Variants in DNM3 observed in about 807,000 individuals in gnomAD.
The protein encoded by DNM3 is dynamin-3.
A neutral mutation model predicts 101.6 loss-of-function variants in DNM3; 47 were observed. The ratio of observed to expected loss-of-function variants is 0.46; its 90% confidence interval spans 0.37 to 0.59. DNM3 has a LOEUF of 0.59. Among genes scored for constraint, DNM3 ranks in the 20% least tolerant of loss-of-function variants. The probability of loss-of-function intolerance (pLI) is 0.00; values close to 1 mark genes in which losing one functional copy is unlikely to be tolerated. For synonymous variants in DNM3, 385 were observed against 387.9 expected, an observed-to-expected ratio of 0.99 and a Z score of 0.09; for missense variants, 849 against 1,085.7, an observed-to-expected ratio of 0.78 and a Z score of 3.06.
intron 13 of DNM3, among the ~76,000 whole-genome samples, chr1:172,114,308 A>G (rs937250765): frequency 1.3e-5 from 2 of 152,226 alleles, no homozygotes; most frequent in African/African-American, 4.8e-5. Flanking sequence ...TGCATGTTGT[A>G]GAAACCAAAA....
chr1:172,352,374 G>A (rs1457577222), intron 17 of DNM3, among the ~76,000 whole-genome samples: 1 of 151,794 alleles, frequency 6.6e-6, no homozygotes, highest in African/African-American at 2.4e-5. Context: ...TTTTATATGA[G>A]TGTTAACTGG....
intron 14 of DNM3, among the ~76,000 whole-genome samples, chr1:172,212,542 A>G (rs1025494018): frequency 6.6e-6 from 1 of 152,118 alleles, no homozygotes; most frequent in African/African-American, 2.4e-5. Flanking sequence ...CAAGCATTAC[A>G]TTTTCTGAGC....
At chr1:172,215,014 A>G (rs1225444265) in intron 14 of DNM3, among the ~76,000 whole-genome samples, 1 of 152,152 alleles carries the variant, frequency 6.6e-6, no homozygotes, top group Non-Finnish European at 1.5e-5. Context: ...GACCAATTTC[A>G]TAAACAATAT....
intron 13 of DNM3, among the ~76,000 whole-genome samples, chr1:172,106,844 A>ATTTTTTTTT (rs1289662689): frequency 5.9e-4 from 30 of 50,990 alleles, no homozygotes; most frequent in South Asian, 7.6e-4. Flanking sequence ...AGGTAACATT[A>ATTTTTTTTT]TTCTTTTTTT....
intron 14 of DNM3, among the ~76,000 whole-genome samples, chr1:172,163,515 G>A (rs2058627906): frequency 6.6e-6 from 1 of 152,060 alleles, no homozygotes; most frequent in Admixed American, 6.6e-5. Context: ...TAGGATTACA[G>A]GCGTGAGCCA....
chr1:172,380,300 A>T (rs1404304266), intron 18 of DNM3, among the ~76,000 whole-genome samples: 1 of 152,108 alleles, frequency 6.6e-6, no homozygotes, highest in Admixed American at 6.6e-5. Context: ...CTGCCTATTT[A>T]AGAACTGTAA....
chr1:171,942,504 AG>A (rs1273751737), intron 2 of DNM3, among the ~76,000 whole-genome samples: 53 of 152,224 alleles, frequency 3.5e-4, no homozygotes, highest in African/African-American at 9.6e-4. Flanking sequence ...GGTGAATATT[AG>A]ATGTTAATTG....
chr1:171,900,884 G>A (rs552545014), intron 1 of DNM3, among the ~76,000 whole-genome samples: 53 of 151,980 alleles, frequency 3.5e-4, no homozygotes, highest in Middle Eastern at 3.4e-3. Context: ...CGAGGCGGGC[G>A]GATCACGAGG....
intron 14 of DNM3, 27 bp from the exon 15 acceptor site, chr1:172,253,546 C>T: frequency 7.6e-7 from 1 of 1,308,854 alleles, no homozygotes; most frequent in African/African-American, 1.6e-5. Context: ...TCTCCTCTCC[C>T]TCTTTTCTTT....
chr1:172,343,181 T>C (rs1022142911), intron 17 of DNM3, among the ~76,000 whole-genome samples: 1 of 152,180 alleles, frequency 6.6e-6, no homozygotes, highest in Non-Finnish European at 1.5e-5. Context: ...TAACAAAGCA[T>C]TCTGGGCAGG....
At chr1:172,182,088 C>T (rs953749181) in intron 14 of DNM3, among the ~76,000 whole-genome samples, 1 of 151,428 alleles carries the variant, frequency 6.6e-6, no homozygotes, top group African/African-American at 2.4e-5. Context: ...GAACTTTTTA[C>T]TATTAGAAAT....
At chr1:172,312,457 TAGAC>T (rs2065122661) in intron 16 of DNM3, among the ~76,000 whole-genome samples, 1 of 152,352 alleles carries the variant, frequency 6.6e-6, no homozygotes, top group South Asian at 2.1e-4. Context: ...AATGCTGTGT[TAGAC>T]AGATTTTATT....
rs1434507773 is a variant in DNM3 at position 172,330,961 on chromosome 1, AG to A, written c.1893+7622del. 5.9e-5 allele frequency among the ~76,000 whole-genome samples: 9 copies of A among 152,300 alleles called. No homozygotes were observed. In the South Asian group the frequency reaches 1.2e-3, roughly 21 times the overall value. On this transcript the variant is annotated intron_variant, in intron 17 of 20. Coordinates refer to ENST00000627582, the MANE Select transcript of DNM3 (RefSeq NM_015569.5). ...ATGATTATTTTTGTTGTGATTATACAGATTTTGTTACCTCTTTTCCGTTTAC... is the reference window on the plus strand; with the variant it reads ...ATGATTATTTTTGTTGTGATTATACAATTTTGTTACCTCTTTTCCGTTTAC...
chr1:172,319,527 A>C (rs2065585096), intron 16 of DNM3, among the ~76,000 whole-genome samples: 1 of 152,074 alleles, frequency 6.6e-6, no homozygotes, highest in Non-Finnish European at 1.5e-5. Flanking sequence ...ACTCAAACAA[A>C]TTTACAAGAA....
chr1:171,935,769 CT>C (rs551030808), intron 2 of DNM3, among the ~76,000 whole-genome samples: 580 of 47,962 alleles, frequency 0.012, no homozygotes, highest in African/African-American at 0.019. Flanking sequence ...CAAATCAAAA[CT>C]TTTTTTTTTT....
At chr1:172,161,351 C>T (rs1343141107) in intron 14 of DNM3, among the ~76,000 whole-genome samples, 3 of 151,746 alleles carry the variant, frequency 2.0e-5, no homozygotes, top group Non-Finnish European at 2.9e-5. Context: ...TATCATGGGC[C>T]GTTTCTCAGC....
intron 4 of DNM3, among the ~76,000 whole-genome samples, chr1:171,994,622 A>G (rs2045868194): frequency 6.6e-6 from 1 of 152,130 alleles, no homozygotes; most frequent in South Asian, 2.1e-4. Context: ...TCTAGATTCT[A>G]GGTTGTACAT....
intron 20 of DNM3, among the ~76,000 whole-genome samples, chr1:172,398,418 T>C (rs539427795): frequency 3.3e-5 from 5 of 152,216 alleles, no homozygotes; most frequent in Non-Finnish European, 7.4e-5. Context: ...TTATTCAAAA[T>C]AGTTCTCTGT....
intron 1 of DNM3, among the ~76,000 whole-genome samples, chr1:171,893,618 T>A (rs1011879893): frequency 3.3e-5 from 5 of 152,044 alleles, no homozygotes; most frequent in African/African-American, 1.2e-4. Flanking sequence ...CACACCGAAC[T>A]AATTAAACAA....
Sources: allele counts gnomAD v4.1 joint callset (sites outside exome capture counted in the v4.1 genomes callset), GRCh38; gene constraint gnomAD v4.1.1; transcripts MANE v1.5; gene names NCBI Gene and HGNC (gene_info 2026-07-23, HGNC 2026-07-21).